DLGAP2: variants seen among roughly 807,000 people sequenced by gnomAD.
The protein encoded by DLGAP2 is DLG associated protein 2.
Under a neutral mutation model 100.3 loss-of-function variants are expected in DLGAP2, and 26 were observed. The observed-to-expected ratio is 0.26, with a 90% CI of 0.19 to 0.36. The LOEUF (loss-of-function observed/expected upper bound fraction) is 0.36, where lower values mean the gene tolerates loss of function less well. DLGAP2 is among the 10% of genes least tolerant of loss of function. The pLI, the probability that DLGAP2 is intolerant of heterozygous loss-of-function variation, is 1.00. For missense variants in DLGAP2, 1,858 were observed against 1,453.2 expected (o/e 1.28, Z -4.53); for synonymous variants, 886 against 630.1 (o/e 1.41, Z -6.08).
chr8:907,956 C>G lies in DLGAP2; in HGVS notation c.63C>G (p.Asp21Glu), dbSNP rs1327626377. ...ILQKHCCILP[D>E]RNTESQCTLC... ...AGAAGCATTGCTGTATCTTACCAGA[C>G]AGGAATACAGGTAAATACATTTCAT... The change falls in exon 2 of 15, where the codon GAC becomes GAG. Residue 21 changes from aspartate to glutamate, a missense_variant. Coordinates refer to ENST00000637795, the MANE Select transcript of DLGAP2 (RefSeq NM_001346810.2). 2 of 398,862 alleles carry G rather than the reference C, an allele frequency of 5.0e-6. No individual in the cohort carries two copies. Among genetic ancestry groups the G allele is most frequent in the Non-Finnish European group, 8.8e-6 (2 of 226,042 alleles). 24.7% of individuals were successfully genotyped at this position (398,862 alleles called of 1,614,324 possible). A position where few individuals can be genotyped will look rare whatever the true frequency, so the allele number is the denominator to read the frequency against.
intron 4 of DLGAP2, among the ~76,000 whole-genome samples, chr8:1,514,387 G>T (rs1800288247): frequency 6.6e-6 from 1 of 152,212 alleles, no homozygotes; most frequent in Non-Finnish European, 1.5e-5. Context: ...ACATAACACA[G>T]AACCCCAGAG....
intron 2 of DLGAP2, among the ~76,000 whole-genome samples, chr8:1,103,402 CTTGTTTAACGGTGATGACTGGCAGGGCT>C (rs1563193448): frequency 6.5e-4 from 98 of 151,756 alleles, no homozygotes; most frequent in Non-Finnish European, 8.2e-4. Flanking sequence ...CTGGCAGGGC[CTTGTTTAACGGTGATGACTGGCAGGGCT>C]TTGGTTAACG....
rs535513949 is a variant in DLGAP2, at chr8:1,485,042, G to T, written c.107-16324G>T. On this transcript the variant is annotated intron_variant, in intron 3 of 14. Transcript: ENST00000637795. ...GATGAAAATTTTACATTACCATCAG[G>T]CATTGCCACGGCCTCTCTTAAAGAA... is the stretch of plus-strand genomic sequence containing the variant. 3.3e-5 allele frequency among the ~76,000 whole-genome samples: 5 copies of T among 152,302 alleles called. No homozygotes were observed. In the East Asian group the frequency reaches 9.6e-4, roughly 29 times the overall value.
chr8:1,040,532 G>A lies in DLGAP2; in HGVS notation c.73+132566G>A, dbSNP rs367555081. ...CGTGGTTGGCTCGGTTTCCGTGGTC[G>A]GCTCGGTGTGCGTGGTCGGCTCGGT... On this transcript the variant is annotated intron_variant, in intron 2 of 14. Coordinates refer to ENST00000637795, the MANE Select transcript of DLGAP2 (RefSeq NM_001346810.2). 7.5e-3 allele frequency among the ~76,000 whole-genome samples: 947 copies of A among 127,016 alleles called. 13 individuals carry two copies. The highest frequency in any genetic ancestry group is 0.025 in the African/African-American group (848 of 33,456). The allele number at this position is 127,016 out of a possible 152,430, so 83.3% of individuals were successfully genotyped here.
chr8:1,123,214 T>G (rs1796090305), intron 2 of DLGAP2, among the ~76,000 whole-genome samples: 2 of 152,234 alleles, frequency 1.3e-5, no homozygotes, highest in South Asian at 2.1e-4. Context: ...TTATAGAAAT[T>G]TTAGTTACTA....
chr8:962,971 G>A (rs73536100), intron 2 of DLGAP2, among the ~76,000 whole-genome samples: 6,131 of 152,236 alleles, frequency 0.04, 376 homozygotes, highest in African/African-American at 0.14. Context: ...TCTTAGGTTC[G>A]GGGTCCTCTG....
At chr8:1,487,656 T>C (rs1289992806) in intron 3 of DLGAP2, among the ~76,000 whole-genome samples, 1 of 152,210 alleles carries the variant, frequency 6.6e-6, no homozygotes, top group African/African-American at 2.4e-5. Flanking sequence ...ACTGATTTCA[T>C]GGTGTAGGAA....
At chr8:869,908 A>C (rs1334981378) in intron 1 of DLGAP2, among the ~76,000 whole-genome samples, 4 of 152,126 alleles carry the variant, frequency 2.6e-5, no homozygotes, top group Non-Finnish European at 5.9e-5. Flanking sequence ...TGCTCTGGAA[A>C]GAGGACTAAT....
At chr8:777,497 C>G (rs1163141903) in intron 1 of DLGAP2, among the ~76,000 whole-genome samples, 1 of 151,652 alleles carries the variant, frequency 6.6e-6, no homozygotes. Flanking sequence ...ACCAGTTGTT[C>G]CTTTCCATGT....
intron 2 of DLGAP2, among the ~76,000 whole-genome samples, chr8:1,195,806 C>T (rs187767642): frequency 1.1e-4 from 16 of 152,304 alleles, no homozygotes; most frequent in Admixed American, 3.3e-4. Context: ...CCCCGGAGTG[C>T]GTGACCTGCT....
chr8:981,614 A>G (rs1022139037), intron 2 of DLGAP2, among the ~76,000 whole-genome samples: 1 of 152,172 alleles, frequency 6.6e-6, no homozygotes, highest in Non-Finnish European at 1.5e-5. Context: ...TAGTAGCTGT[A>G]CTAGTGAGTG....
intron 3 of DLGAP2, among the ~76,000 whole-genome samples, chr8:1,425,563 G>C (rs115329535): frequency 0.01 from 1,585 of 152,280 alleles, 26 homozygotes; most frequent in African/African-American, 0.035. Flanking sequence ...CGTTCCTCTG[G>C]ATCCCTTGGA....
chr8:1,564,480 G>T (rs1180887628), intron 5 of DLGAP2, among the ~76,000 whole-genome samples: 1 of 152,156 alleles, frequency 6.6e-6, no homozygotes, highest in Non-Finnish European at 1.5e-5. Context: ...TTCAGTTCTC[G>T]AACAGTCAGA....
chr8:1,641,031 G>A (rs890953655), intron 8 of DLGAP2, among the ~76,000 whole-genome samples: 1 of 152,154 alleles, frequency 6.6e-6, no homozygotes, highest in African/African-American at 2.4e-5. Context: ...TCTCCTGGCT[G>A]TGGGGAAGGA....
At chr8:1,683,934 A>ATATG (rs1799037090) in intron 12 of DLGAP2, among the ~76,000 whole-genome samples, 2 of 93,546 alleles carry the variant, frequency 2.1e-5, no homozygotes, top group African/African-American at 8.4e-5. Flanking sequence ...GTGTGTATAT[A>ATATG]TGTGTATATA....
chr8:1,090,097 CAG>C (rs1459918783), intron 2 of DLGAP2, among the ~76,000 whole-genome samples: 6 of 141,818 alleles, frequency 4.2e-5, no homozygotes, highest in Non-Finnish European at 6.2e-5. Context: ...CCTGGGCAGA[CAG>C]GGGTGGAAAC....
At chr8:783,309 G>A (rs1427888146) in intron 1 of DLGAP2, among the ~76,000 whole-genome samples, 1 of 152,202 alleles carries the variant, frequency 6.6e-6, no homozygotes, top group Non-Finnish European at 1.5e-5. Context: ...AGGGAGAGAA[G>A]GAGGTTAAGG....
chr8:1,608,529 A>T (rs2130725341), intron 6 of DLGAP2, among the ~76,000 whole-genome samples: 1 of 111,304 alleles, frequency 9.0e-6, no homozygotes, highest in South Asian at 3.8e-4. Flanking sequence ...AACGGAACAA[A>T]GCTGGATGGA....
intron 1 of DLGAP2, among the ~76,000 whole-genome samples, chr8:853,427 A>T (rs1797217603): frequency 6.6e-6 from 1 of 152,356 alleles, no homozygotes; most frequent in Non-Finnish European, 1.5e-5. Context: ...CAGCCCTGCC[A>T]GCAGGAGAGC....
Sources: gnomAD v4.1 joint callset for allele counts (sites outside exome capture counted in the v4.1 genomes callset) on GRCh38, gnomAD v4.1.1 for gene constraint, MANE v1.5 for transcripts, NCBI Gene and HGNC (gene_info 2026-07-23, HGNC 2026-07-21) for gene names.